The following TPO variants were observed in gnomAD, a reference collection of about 807,000 sequenced individuals.
The protein encoded by TPO is thyroid microsomal antigen.
TPO carries 78 observed loss-of-function variants against 96.9 expected under a neutral mutation model. The observed-to-expected ratio is 0.81, with a 90% CI of 0.67 to 0.97. The LOEUF is 0.97. TPO is among the 50% of genes least tolerant of loss of function. The pLI, the probability that TPO is intolerant of heterozygous loss-of-function variation, is 0.00. For synonymous variants in TPO, 547 were observed against 538.0 expected (o/e 1.02, Z -0.23); for missense variants, 1,252 against 1,274.8 (o/e 0.98, Z 0.27).
At chr2:1,483,512 G>T (rs560641788) in intron 8 of TPO, among the ~76,000 whole-genome samples, 1 of 152,226 alleles carries the variant, frequency 6.6e-6, no homozygotes, top group Non-Finnish European at 1.5e-5. Flanking sequence ...CTTCTCACGC[G>T]GTTAGGAGGA....
intron 15 of TPO, among the ~76,000 whole-genome samples, chr2:1,528,229 GA>G (rs1171228493): frequency 1.3e-5 from 1 of 78,180 alleles, no homozygotes; most frequent in African/African-American, 5.9e-5. Context: ...CCCACTGTGT[GA>G]AACCTCCCCA....
intron 11 of TPO, among the ~76,000 whole-genome samples, chr2:1,495,531 T>C (rs1221203962): frequency 2.0e-5 from 3 of 152,190 alleles, no homozygotes; most frequent in Admixed American, 1.3e-4. Flanking sequence ...GCTGTCATCA[T>C]TCTTGTTTTT....
chr2:1,491,544 G>A (rs1265856105), intron 10 of TPO, among the ~76,000 whole-genome samples: 1 of 152,146 alleles, frequency 6.6e-6, no homozygotes, highest in African/African-American at 2.4e-5. Flanking sequence ...CCTCATTTGA[G>A]AACTTTAATT....
intron 14 of TPO, among the ~76,000 whole-genome samples, chr2:1,512,758 A>C (rs1467056350): frequency 2.0e-5 from 3 of 152,196 alleles, no homozygotes; most frequent in Admixed American, 1.3e-4. Flanking sequence ...GATGGTGGAC[A>C]GTGACCTTCT....
chr2:1,471,919 T>C (rs1302491006), intron 7 of TPO, among the ~76,000 whole-genome samples: 1 of 149,364 alleles, frequency 6.7e-6, no homozygotes, highest in Non-Finnish European at 1.5e-5. Context: ...ATGCTCATGG[T>C]GTGCCCTTCC....
In TPO at chr2:1,477,172, C is replaced by T. The variant is rs146101536; in HGVS notation, c.906C>T (p.Gly302=). The change falls in exon 8 of 17, where the codon GGC becomes GGT. Residue 302 remains glycine, a synonymous_variant. Transcript: ENST00000329066. ...SSAACGTGDQ[G]ALFGNLSTAN... ...CCGCCTGCGGCACCGGGGACCAAGG[C>T]GCGCTCTTTGGGAACCTGTCCACGG... The T allele has an allele frequency of 7.5e-6, 12 of 1,609,922 alleles. No homozygotes were observed. In the East Asian group the frequency reaches 2.0e-4, roughly 27 times the overall value.
At chr2:1,524,470 A>ACACTGTGTGCAACCTCCTCAAATCCAC (rs1675958016) in intron 15 of TPO, among the ~76,000 whole-genome samples, 1 of 13,452 alleles carries the variant, frequency 7.4e-5, no homozygotes, top group African/African-American at 3.0e-4. Flanking sequence ...CCCAAATCCC[A>ACACTGTGTGCAACCTCCTCAAATCCAC]CCCACTGTGT....
chr2:1,407,774 A>G (rs1662268517), intron 1 of TPO, among the ~76,000 whole-genome samples: 1 of 148,618 alleles, frequency 6.7e-6, no homozygotes, highest in Non-Finnish European at 1.5e-5. Flanking sequence ...AATAAGAACA[A>G]TCATGCAACC....
At chr2:1,433,332 G>A in intron 3 of TPO, 106 bp from the exon 4 acceptor site, 1 of 1,427,922 alleles carries the variant, frequency 7.0e-7, no homozygotes, top group South Asian at 1.2e-5. Context: ...CACATTGTCT[G>A]GGACACAGTA....
chr2:1,528,032 T>A (rs34445751), intron 15 of TPO, among the ~76,000 whole-genome samples: 10 of 141,540 alleles, frequency 7.1e-5, no homozygotes, highest in Non-Finnish European at 1.5e-4. Flanking sequence ...TCCCACTATG[T>A]GCAACCTCCT....
At chr2:1,483,855 G>A (rs1222229425) in intron 8 of TPO, among the ~76,000 whole-genome samples, 1 of 152,146 alleles carries the variant, frequency 6.6e-6, no homozygotes, top group Non-Finnish European at 1.5e-5. Flanking sequence ...AATGCATTCT[G>A]GCACATGGAA....
intron 9 of TPO, among the ~76,000 whole-genome samples, chr2:1,486,306 G>A (rs983395028): frequency 3.8e-4 from 58 of 152,280 alleles, no homozygotes; most frequent in African/African-American, 1.4e-3. Flanking sequence ...CGGATCACTT[G>A]AGGTCGGGAG....
chr2:1,412,270 T>C (rs959701459), upstream of TPO, among the ~76,000 whole-genome samples: 2 of 152,228 alleles, frequency 1.3e-5, no homozygotes, highest in Non-Finnish European at 2.9e-5. Flanking sequence ...AAACCGAGGA[T>C]GGCTGAATCC....
At chr2:1,390,015 T>C (rs1423016282) in intron 1 of TPO, among the ~76,000 whole-genome samples, 4 of 145,718 alleles carry the variant, frequency 2.7e-5, no homozygotes, top group African/African-American at 1.1e-4. Flanking sequence ...TATTTCTTTC[T>C]TTTCTTTTTT....
intron 16 of TPO, chr2:1,542,195 A>C (rs1680843049): frequency 1.6e-6 from 1 of 628,610 alleles, no homozygotes; most frequent in Non-Finnish European, 2.8e-6. Context: ...CTCTGTGAGT[A>C]GGAACCTTTG....
chr2:1,477,731 G>A, intron 8 of TPO, 127 bp downstream of exon 8: 1 of 1,373,892 alleles, frequency 7.3e-7, no homozygotes, highest in Non-Finnish European at 9.4e-7. Context: ...GCCCACATGG[G>A]TGAGCTCCAG....
At chr2:1,531,557 A>C (rs1159809972) in intron 15 of TPO, among the ~76,000 whole-genome samples, 260 of 34,848 alleles carry the variant, frequency 7.5e-3, no homozygotes, top group Middle Eastern at 0.028. Context: ...CTCTGTGCAA[A>C]CTCCCCAAAC....
intron 7 of TPO, among the ~76,000 whole-genome samples, chr2:1,476,668 T>C (rs1006631846): frequency 1.3e-5 from 2 of 152,262 alleles, no homozygotes; most frequent in Non-Finnish European, 2.9e-5. Context: ...GGAGCGAGAC[T>C]GGCTCAGGCC....
In TPO at chr2:1,398,308, G is replaced by A. The variant is rs185390679; in HGVS notation, n.180+23906G>A. On this transcript the variant is annotated intron_variant and non_coding_transcript_variant, in intron 1 of 5. Transcript: ENST00000497517. ...GCCTGGGGCCCATCTCCTGACTGCC[G>A]CGCTGCCCACAAACTACTGTTGCCT... is the stretch of plus-strand genomic sequence containing the variant. Among the ~76,000 whole-genome samples, 30 of 152,270 alleles carry A rather than the reference G, an allele frequency of 2.0e-4. No individual in the cohort carries two copies. In the East Asian group the frequency reaches 3.9e-3, roughly 20 times the overall value.
Sources: gnomAD v4.1 joint callset for allele counts (sites outside exome capture counted in the v4.1 genomes callset) on GRCh38, gnomAD v4.1.1 for gene constraint, MANE v1.5 for transcripts, NCBI Gene and HGNC (gene_info 2026-07-23, HGNC 2026-07-21) for gene names.